NUDCD1: variants seen among roughly 807,000 people sequenced by gnomAD.
The protein encoded by NUDCD1 is nudC domain-containing protein 1.
NUDCD1 carries 60 observed loss-of-function variants against 67.8 expected under a neutral mutation model. The observed-to-expected ratio is 0.88, with a 90% confidence interval of 0.72 to 1.10. The LOEUF (loss-of-function observed/expected upper bound fraction) is 1.10, where lower values mean the gene tolerates loss of function less well. NUDCD1 is among the 50% of genes least tolerant of loss of function. NUDCD1 has a pLI of 0.00. For synonymous variants in NUDCD1, 244 were observed against 230.8 expected, an observed-to-expected ratio of 1.06 and a Z score of -0.52; for missense variants, 643 against 695.0, an observed-to-expected ratio of 0.93 and a Z score of 0.84.
At chr8:109,296,007 T>A (rs1462154105) in intron 3 of NUDCD1, among the ~76,000 whole-genome samples, 1 of 152,156 alleles carries the variant, frequency 6.6e-6, no homozygotes, top group Non-Finnish European at 1.5e-5. Context: ...TTGACCAATG[T>A]AAACATCCCA....
chr8:109,294,233 CAAAAACA>C lies in NUDCD1; in HGVS notation c.460-716_460-710del, dbSNP rs907986509. Among the ~76,000 whole-genome samples the C allele has an allele frequency of 1.8e-4, 28 of 151,852 alleles. No homozygotes were observed. In the East Asian group the frequency reaches 4.4e-3, roughly 24 times the overall value. The stretch of plus-strand genomic sequence containing the variant: ...CTGAAAAAAAGGTAGCTTTAAAAAA[CAAAAACA>C]AAAAACAAAAAACAAAACCTGTACC... On this transcript the variant is annotated intron_variant, in intron 3 of 9. Transcript: ENST00000239690.
At chr8:109,315,833 GT>G (rs1439375846) in intron 2 of NUDCD1, 1 of 152,138 alleles carries the variant, frequency 6.6e-6, no homozygotes, top group Non-Finnish European at 1.5e-5. Context: ...TAAGTAAGTG[GT>G]CCCCTAATAA....
intron 8 of NUDCD1, among the ~76,000 whole-genome samples, chr8:109,257,764 C>G (rs1243681760): frequency 6.6e-6 from 1 of 152,080 alleles, no homozygotes; most frequent in East Asian, 1.9e-4. Context: ...GCCTAAAGGT[C>G]ATACAGTCTT....
intron 6 of NUDCD1, among the ~76,000 whole-genome samples, chr8:109,278,993 A>G (rs1328702860): frequency 6.6e-6 from 1 of 152,194 alleles, no homozygotes; most frequent in African/African-American, 2.4e-5. Flanking sequence ...AGTCTGAGCA[A>G]CATGGCAAAA....
At chr8:109,246,180 C>T (rs1235847888) in intron 8 of NUDCD1, among the ~76,000 whole-genome samples, 1 of 152,146 alleles carries the variant, frequency 6.6e-6, no homozygotes, top group African/African-American at 2.4e-5. Flanking sequence ...TATAAAGCAC[C>T]AATTTTATAA....
Position 109,243,996 on chromosome 8 carries a change from A to G in NUDCD1, c.1460-695T>C, listed in dbSNP as rs1464457224. On this transcript the variant is annotated intron_variant, in intron 9 of 9. Coordinates refer to ENST00000239690, the MANE Select transcript of NUDCD1 (RefSeq NM_032869.4). ...TGTTTAAAAAGTATCTTTTTGGATT[A>G]AAACAACATTTATATTCCAAAATAT... is the stretch of plus-strand genomic sequence containing the variant. Among the ~76,000 whole-genome samples the G allele has an allele frequency of 2.0e-5, 3 of 152,138 alleles. No homozygotes were observed. The East Asian group carries it at 5.8e-4, about 29-fold the overall frequency.
intron 8 of NUDCD1, among the ~76,000 whole-genome samples, chr8:109,268,004 T>C (rs905416761): frequency 7.9e-5 from 12 of 152,222 alleles, no homozygotes; most frequent in Admixed American, 2.0e-4. Context: ...CTACTGACTC[T>C]CGCTTTGATC....
chr8:109,330,468 C>T (rs1361182806), intron 1 of NUDCD1, among the ~76,000 whole-genome samples: 2 of 152,198 alleles, frequency 1.3e-5, no homozygotes, highest in African/African-American at 4.8e-5. Context: ...TTATGCTTCA[C>T]TATCTCTAGA....
chr8:109,281,033 T>C lies in NUDCD1; in HGVS notation c.963A>G (p.Leu321=). The change falls in exon 6 of 10, where the codon TTA becomes TTG. Residue 321 remains leucine, a synonymous_variant. Coordinates refer to ENST00000239690, the MANE Select transcript of NUDCD1 (RefSeq NM_032869.4). ...CAATAGATGAATAGAGTTTTCCTTC[T>C]AAAAACTGGTGATCCTTCAGTACAA... ...INIVLKDHQF[L]EGKLYSSIDH... is the part of the protein sequence containing the mutation. 1 of 1,611,512 alleles carries C rather than the reference T, an allele frequency of 6.2e-7. No homozygotes were observed. The highest frequency in any genetic ancestry group is 8.5e-7 in the Non-Finnish European group (1 of 1,177,786).
Position 109,322,318 on chromosome 8 carries a change from T to C in NUDCD1, c.264A>G (p.Thr88=), listed in dbSNP as rs1586311150. 1.3e-6 allele frequency: 2 copies of C among 1,519,718 alleles called. No homozygotes were observed. Among genetic ancestry groups the C allele is most frequent in the Non-Finnish European group, 1.8e-6 (2 of 1,103,200 alleles). 94.1% of individuals were successfully genotyped at this position (1,519,718 alleles called of 1,614,324 possible). A position where few individuals can be genotyped will look rare whatever the true frequency, so the allele number is the denominator to read the frequency against. Residue 88 remains threonine (T), a synonymous_variant, in exon 2 of 10, where the codon ACA becomes ACG. Coordinates refer to ENST00000239690, the MANE Select transcript of NUDCD1 (RefSeq NM_032869.4). Reference sequence around the variant, plus strand: ...TACATGTTTCTCTTACCAGCATTACTGTTAAATTCATAATTCTTCCAAGGG... The same window carrying C: ...TACATGTTTCTCTTACCAGCATTACCGTTAAATTCATAATTCTTCCAAGGG... ...IDTLGRIMNL[T]VMLDTALGKP... is the part of the protein sequence containing the mutation.
At chr8:109,277,121 A>G (rs1479836564) in intron 6 of NUDCD1, among the ~76,000 whole-genome samples, 2 of 152,216 alleles carry the variant, frequency 1.3e-5, no homozygotes, top group East Asian at 3.8e-4. Context: ...AACCAAATAA[A>G]GTACTGTAAA....
intron 2 of NUDCD1, among the ~76,000 whole-genome samples, chr8:109,317,344 TGTCTCTATTAACACATAATATCC>T (rs1192679055): frequency 4.6e-5 from 7 of 152,258 alleles, no homozygotes; most frequent in African/African-American, 1.2e-4. Flanking sequence ...GGTGAAACTC[TGTCTCTATTAACACATAATATCC>T]GTCTCTATTA....
intron 8 of NUDCD1, among the ~76,000 whole-genome samples, chr8:109,268,942 A>G (rs1291003054): frequency 6.6e-6 from 1 of 152,146 alleles, no homozygotes; most frequent in Non-Finnish European, 1.5e-5. Context: ...AACAGCTCCA[A>G]TAATCTTGGG....
At chr8:109,259,526 T>C (rs1339018807) in intron 8 of NUDCD1, among the ~76,000 whole-genome samples, 1 of 152,140 alleles carries the variant, frequency 6.6e-6, no homozygotes, top group African/African-American at 2.4e-5. Flanking sequence ...GCCTTACAGG[T>C]TGATTAACAA....
intron 8 of NUDCD1, among the ~76,000 whole-genome samples, chr8:109,257,121 A>C: frequency 6.6e-6 from 1 of 152,158 alleles, no homozygotes. Flanking sequence ...CATCACTGAT[A>C]TCTGCATTGC....
At chr8:109,323,103 T>A (rs1369886657) in intron 1 of NUDCD1, among the ~76,000 whole-genome samples, 1 of 152,176 alleles carries the variant, frequency 6.6e-6, no homozygotes, top group Non-Finnish European at 1.5e-5. Context: ...AAATGTGATC[T>A]CTTCCTCCCA....
chr8:109,246,959 G>A (rs75475866), intron 8 of NUDCD1, among the ~76,000 whole-genome samples: 184 of 152,286 alleles, frequency 1.2e-3, no homozygotes, highest in African/African-American at 4.3e-3. Flanking sequence ...TACAGTGTCA[G>A]AGCAACCCAT....
At chr8:109,257,101 T>C (rs1813757806) in intron 8 of NUDCD1, among the ~76,000 whole-genome samples, 1 of 152,162 alleles carries the variant, frequency 6.6e-6, no homozygotes, top group Non-Finnish European at 1.5e-5. Flanking sequence ...AGGACAAGAA[T>C]TCCTATTCTC....
intron 1 of NUDCD1, among the ~76,000 whole-genome samples, chr8:109,331,632 TTG>T (rs1415157390): frequency 1.3e-5 from 2 of 152,192 alleles, no homozygotes; most frequent in Non-Finnish European, 2.9e-5. Context: ...AAGGACAACT[TTG>T]TGAATTTTTT....
Sources: allele counts gnomAD v4.1 joint callset (sites outside exome capture counted in the v4.1 genomes callset), GRCh38; gene constraint gnomAD v4.1.1; transcripts MANE v1.5; gene names NCBI Gene and HGNC (gene_info 2026-07-23, HGNC 2026-07-21).